Variants in KIAA1217 observed in about 807,000 individuals in gnomAD.
KIAA1217 encodes KIAA1217.
A neutral mutation model predicts 163.9 loss-of-function variants in KIAA1217; 88 were observed. The observed-to-expected ratio is 0.54, with a 90% confidence interval of 0.45 to 0.64. The LOEUF (loss-of-function observed/expected upper bound fraction) is 0.64. KIAA1217 is among the 30% of genes least tolerant of loss of function. KIAA1217 has a pLI of 0.00. For missense variants in KIAA1217, 2,372 were observed against 2,475.0 expected, an observed-to-expected ratio of 0.96 and a Z score of 0.88; for synonymous variants, 903 against 923.1, an observed-to-expected ratio of 0.98 and a Z score of 0.39.
rs539502224 is a variant in KIAA1217, at chr10:24,064,500, C to G, written c.-171+57126C>G. 1.4e-4 allele frequency among the ~76,000 whole-genome samples: 21 copies of G among 152,262 alleles called. 2 individuals are homozygous for G. Among genetic ancestry groups the G allele is most frequent in the Admixed American group, 1.2e-3 (19 of 15,296 alleles). On this transcript the variant is annotated intron_variant, in intron 2 of 18. Coordinates refer to the KIAA1217 transcript ENST00000376462. The stretch of plus-strand genomic sequence containing the variant: ...ATCCCAGGAATGAAGCCCACTTGAT[C>G]ATGGTGGATAAGCTTTTTGATGTGT...
At chr10:23,824,662 T>TATATAC (rs1837812240) in intron 1 of KIAA1217, among the ~76,000 whole-genome samples, 1 of 120,890 alleles carries the variant, frequency 8.3e-6, no homozygotes, top group African/African-American at 3.1e-5. Context: ...AAAAAAAATA[T>TATATAC]ATATATATAT....
chr10:24,417,675 T>C (rs2058376435), intron 3 of KIAA1217, among the ~76,000 whole-genome samples: 2 of 151,326 alleles, frequency 1.3e-5, no homozygotes, highest in Admixed American at 1.3e-4. Context: ...CGAATGAGAG[T>C]GAGGAAAAGG....
intron 1 of KIAA1217, among the ~76,000 whole-genome samples, chr10:23,854,106 A>C (rs955296828): frequency 1.3e-5 from 2 of 151,972 alleles, no homozygotes; most frequent in Non-Finnish European, 1.5e-5. Context: ...TTGTGATGTT[A>C]GGGTGTCAAT....
intron 2 of KIAA1217, among the ~76,000 whole-genome samples, chr10:24,166,374 G>C (rs1175936346): frequency 6.6e-6 from 1 of 152,054 alleles, no homozygotes; most frequent in Non-Finnish European, 1.5e-5. Flanking sequence ...TATACACTTA[G>C]ATAAAAAAAA....
At chr10:24,285,481 T>A (rs1453113878) in intron 2 of KIAA1217, among the ~76,000 whole-genome samples, 1 of 152,170 alleles carries the variant, frequency 6.6e-6, no homozygotes, top group Admixed American at 6.6e-5. Flanking sequence ...CCTTTCCCCA[T>A]GGCTTAGTCT....
chr10:23,879,429 T>G (rs1840849860), intron 1 of KIAA1217, among the ~76,000 whole-genome samples: 1 of 151,928 alleles, frequency 6.6e-6, no homozygotes, highest in South Asian at 2.1e-4. Context: ...GACAGGAGAA[T>G]AAGCAGAGTG....
chr10:24,296,206 C>T (rs1356602775), intron 2 of KIAA1217, among the ~76,000 whole-genome samples: 4 of 152,212 alleles, frequency 2.6e-5, no homozygotes, highest in Admixed American at 6.5e-5. Flanking sequence ...TGGGCTCAAG[C>T]GATCTTCTCC....
At chr10:24,533,041 C>A in intron 15 of KIAA1217, 29 bp from the exon 16 acceptor site, 1 of 1,584,424 alleles carries the variant, frequency 6.3e-7, no homozygotes, top group Non-Finnish European at 8.6e-7. Flanking sequence ...AGATGTTAAA[C>A]CACTATCTGT....
At chr10:24,267,564 C>T (rs2076355770) in intron 2 of KIAA1217, among the ~76,000 whole-genome samples, 1 of 152,222 alleles carries the variant, frequency 6.6e-6, no homozygotes, top group Admixed American at 6.5e-5. Flanking sequence ...CTTCCTTTCT[C>T]AGCCTCCCAA....
chr10:24,153,007 A>G (rs2064693587), intron 2 of KIAA1217, among the ~76,000 whole-genome samples: 1 of 152,228 alleles, frequency 6.6e-6, no homozygotes, highest in African/African-American at 2.4e-5. Context: ...AGAAGAACCT[A>G]TTCAGAACAG....
chr10:24,000,665 C>A lies in KIAA1217; in HGVS notation c.-320-6560C>A, dbSNP rs188643268. Among the ~76,000 whole-genome samples, 3 of 152,254 alleles carry A rather than the reference C, an allele frequency of 2.0e-5. No individual in the cohort carries two copies. In the East Asian group the frequency reaches 5.8e-4, roughly 29 times the overall value. ...CCTGGGGCACAAGTGGTGATCTGAA[C>A]AGTCATGGAAATCCAACTGGCTTTT... On this transcript the variant is annotated intron_variant, in intron 1 of 18. Coordinates refer to the KIAA1217 transcript ENST00000376462.
intron 2 of KIAA1217, among the ~76,000 whole-genome samples, chr10:24,314,906 T>G (rs959389212): frequency 6.6e-6 from 1 of 152,050 alleles, no homozygotes; most frequent in African/African-American, 2.4e-5. Flanking sequence ...ATAGCGCCGC[T>G]GCACTCCAGC....
chr10:23,779,216 A>G (rs1053604075), intron 1 of KIAA1217, among the ~76,000 whole-genome samples: 4 of 152,176 alleles, frequency 2.6e-5, no homozygotes. Flanking sequence ...AGTAAACAGT[A>G]CCCAGGACTC....
chr10:23,736,614 C>G (rs746298642), intron 1 of KIAA1217, among the ~76,000 whole-genome samples: 4 of 152,162 alleles, frequency 2.6e-5, no homozygotes, highest in Non-Finnish European at 5.9e-5. Flanking sequence ...CCTCAAACTC[C>G]TGGGCACAAA....
rs58161228 is a variant in KIAA1217 at position 24,422,901 on chromosome 10, C to CTTTTTTTTTTTTTTTTTTTTT, written c.554-10093_554-10073dup. Among the ~76,000 whole-genome samples, 63 of 120,592 alleles carry CTTTTTTTTTTTTTTTTTTTTT rather than the reference C, an allele frequency of 5.2e-4. 4 individuals carry two copies. Among genetic ancestry groups the CTTTTTTTTTTTTTTTTTTTTT allele is most frequent in the East Asian group, 1.0e-3 (4 of 3,964 alleles). The allele number at this position is 120,592 out of a possible 152,430, so 79.1% of individuals were successfully genotyped here. On this transcript the variant is annotated intron_variant, in intron 3 of 20. Coordinates refer to ENST00000376454, the MANE Select transcript of KIAA1217 (RefSeq NM_019590.5). Reference sequence around the variant, plus strand: ...CTCATATTACTTCCTATAGATTTAACTTTTTTTTTTTTTTTTTTTTTGAGA... The same window carrying CTTTTTTTTTTTTTTTTTTTTT: ...CTCATATTACTTCCTATAGATTTAACTTTTTTTTTTTTTTTTTTTTTTTTTTTTTTTTTTTTTTTTTTGAGA...
intron 2 of KIAA1217, among the ~76,000 whole-genome samples, chr10:24,011,213 C>T (rs1295939321): frequency 6.6e-6 from 1 of 152,128 alleles, no homozygotes; most frequent in African/African-American, 2.4e-5. Flanking sequence ...CAGCCTGGTG[C>T]AGTGGCTCAC....
intron 1 of KIAA1217, among the ~76,000 whole-genome samples, chr10:23,891,283 C>CT (rs1841406058): frequency 6.6e-6 from 1 of 151,722 alleles, no homozygotes; most frequent in Non-Finnish European, 1.5e-5. Flanking sequence ...ATTTTTTTCC[C>CT]TTTATTCTTT....
intron 1 of KIAA1217, among the ~76,000 whole-genome samples, chr10:23,702,084 C>G (rs1222433889): frequency 1.3e-5 from 2 of 152,180 alleles, no homozygotes; most frequent in Non-Finnish European, 2.9e-5. Flanking sequence ...CATTAGATTA[C>G]AGTGGCTTTT....
chr10:24,334,327 C>T (rs2046056928), intron 2 of KIAA1217, among the ~76,000 whole-genome samples: 1 of 151,634 alleles, frequency 6.6e-6, no homozygotes, highest in Admixed American at 6.6e-5. Context: ...ATTGCTTAAG[C>T]CCAGGATTTC....
Sources: gnomAD v4.1 joint callset for allele counts (sites outside exome capture counted in the v4.1 genomes callset) on GRCh38, gnomAD v4.1.1 for gene constraint, MANE v1.5 for transcripts, NCBI Gene and HGNC (gene_info 2026-07-23, HGNC 2026-07-21) for gene names.